Variants in SHISA6 observed in about 807,000 individuals in gnomAD.
The protein encoded by SHISA6 is shisa family member 6.
SHISA6 carries 22 observed loss-of-function variants against 47.9 expected under a neutral mutation model. The observed-to-expected ratio is 0.46, with a 90% CI of 0.33 to 0.66. The LOEUF (loss-of-function observed/expected upper bound fraction) is 0.66, where lower values mean the gene tolerates loss of function less well. Ranked by LOEUF, SHISA6 falls within the 30% of genes least tolerant of loss-of-function variation. SHISA6 has a pLI of 0.02. For missense variants in SHISA6, 680 were observed against 764.6 expected (o/e 0.89, Z 1.30); for synonymous variants, 388 against 337.8 (o/e 1.15, Z -1.63).
At chr17:11,548,489 T>C (rs2071902037) in intron 3 of SHISA6, among the ~76,000 whole-genome samples, 2 of 151,798 alleles carry the variant, frequency 1.3e-5, no homozygotes, top group East Asian at 1.9e-4. Context: ...GAATCCAGTG[T>C]TGTAATAAAA....
intron 2 of SHISA6, among the ~76,000 whole-genome samples, chr17:11,339,432 C>CA (rs1296588882): frequency 6.6e-6 from 1 of 151,838 alleles, no homozygotes; most frequent in Non-Finnish European, 1.5e-5. Context: ...CTACACCCCC[C>CA]CTCCTTTTTG....
intron 1 of SHISA6, among the ~76,000 whole-genome samples, chr17:11,257,750 CAAAT>C (rs1419855461): frequency 4.6e-5 from 7 of 151,916 alleles, no homozygotes; most frequent in Non-Finnish European, 1.0e-4. Context: ...ATCTGGGACT[CAAAT>C]AACCCATATC....
intron 1 of SHISA6, among the ~76,000 whole-genome samples, chr17:11,243,476 C>T (rs1907455259): frequency 6.6e-6 from 1 of 152,132 alleles, no homozygotes. Context: ...TCCACCCTGT[C>T]TTCCACTTGC....
At chr17:11,507,198 C>T (rs1166144426) in intron 3 of SHISA6, among the ~76,000 whole-genome samples, 1 of 152,170 alleles carries the variant, frequency 6.6e-6, no homozygotes, top group Admixed American at 6.5e-5. Context: ...GTATAAATTG[C>T]TCAATTAATA....
intron 3 of SHISA6, among the ~76,000 whole-genome samples, chr17:11,398,569 A>G (rs1913654340): frequency 6.6e-6 from 1 of 151,720 alleles, no homozygotes; most frequent in South Asian, 2.1e-4. Flanking sequence ...CCGCATTCCG[A>G]CAGTAGGTTT....
At chr17:11,476,034 T>C (rs930291359) in intron 3 of SHISA6, among the ~76,000 whole-genome samples, 1 of 152,082 alleles carries the variant, frequency 6.6e-6, no homozygotes, top group Non-Finnish European at 1.5e-5. Flanking sequence ...TTTTTAAGAA[T>C]TGGTCCATTT....
chr17:11,428,579 A>G (rs769858294), intron 3 of SHISA6, among the ~76,000 whole-genome samples: 2 of 152,180 alleles, frequency 1.3e-5, no homozygotes, highest in Non-Finnish European at 2.9e-5. Context: ...TGTATTAGTT[A>G]TCTATTGCAG....
At chr17:11,500,108 G>A (rs1171901502) in intron 3 of SHISA6, among the ~76,000 whole-genome samples, 2 of 152,184 alleles carry the variant, frequency 1.3e-5, no homozygotes, top group Non-Finnish European at 2.9e-5. Context: ...AAAAGACATG[G>A]AGTGAAGAGA....
chr17:11,499,342 C>T (rs186134339), intron 3 of SHISA6, among the ~76,000 whole-genome samples: 1 of 152,216 alleles, frequency 6.6e-6, no homozygotes, highest in African/African-American at 2.4e-5. Context: ...GACTATAAAG[C>T]ACCATTATCC....
At chr17:11,325,324 G>A (rs1202159088) in intron 2 of SHISA6, among the ~76,000 whole-genome samples, 4 of 152,180 alleles carry the variant, frequency 2.6e-5, no homozygotes, top group African/African-American at 9.6e-5. Flanking sequence ...GGACTGCATC[G>A]GATAAACTGG....
At chr17:11,551,991 T>A (rs1224116474) in intron 4 of SHISA6, 39 bp downstream of exon 4, 1 of 1,541,644 alleles carries the variant, frequency 6.5e-7, no homozygotes, top group South Asian at 1.2e-5. Flanking sequence ...TTCCTCCTTA[T>A]TTCGAGTGGC....
At chr17:11,517,188 C>T (rs2071592851) in intron 3 of SHISA6, among the ~76,000 whole-genome samples, 1 of 152,150 alleles carries the variant, frequency 6.6e-6, no homozygotes. Flanking sequence ...CTATGCTTTT[C>T]TCTAAAGATG....
Position 11,528,187 on chromosome 17 carries a change from A to G in SHISA6, c.896-23709A>G, listed in dbSNP as rs372696111. On this transcript the variant is annotated intron_variant, in intron 3 of 5. Transcript: ENST00000441885. The stretch of plus-strand genomic sequence containing the variant: ...TTGTATCCATTGTAAAAGAAAAAAT[A>G]TGAACTAATTACAAATAAATTTTAT... 1.6e-4 allele frequency among the ~76,000 whole-genome samples: 24 copies of G among 152,342 alleles called. 1 individual carries two copies. The highest frequency in any genetic ancestry group is 5.5e-4 in the African/African-American group (23 of 41,586).
intron 2 of SHISA6, among the ~76,000 whole-genome samples, chr17:11,287,083 T>C (rs1412344152): frequency 2.6e-5 from 4 of 152,136 alleles, no homozygotes; most frequent in Non-Finnish European, 4.4e-5. Flanking sequence ...TTTAGAAACA[T>C]GTGAAAATGC....
At position 11,411,500 on chromosome 17, in the gene SHISA6, G is replaced by A. The variant is rs192455065; in HGVS notation, c.895+31991G>A. Reference sequence around the variant, plus strand: ...CAACCTCCGCCTCCCAGGTTCAAGCGATTCTCCTGCCTCAGCCTCCTGAGT... The same window carrying A: ...CAACCTCCGCCTCCCAGGTTCAAGCAATTCTCCTGCCTCAGCCTCCTGAGT... On this transcript the variant is annotated intron_variant, in intron 3 of 5. Coordinates refer to ENST00000441885, the MANE Select transcript of SHISA6 (RefSeq NM_207386.4). Among the ~76,000 whole-genome samples the A allele has an allele frequency of 8.0e-4, 120 of 150,528 alleles. 2 individuals are homozygous for A. Among genetic ancestry groups the A allele is most frequent in the African/African-American group, 2.7e-3 (109 of 41,018 alleles).
chr17:11,331,440 A>G (rs1483298296), intron 2 of SHISA6, among the ~76,000 whole-genome samples: 1 of 152,218 alleles, frequency 6.6e-6, no homozygotes, highest in African/African-American at 2.4e-5. Flanking sequence ...GTCTAGAGAA[A>G]AAAATGCAAA....
chr17:11,280,389 T>C (rs1285627334), intron 2 of SHISA6, among the ~76,000 whole-genome samples: 1 of 152,242 alleles, frequency 6.6e-6, no homozygotes, highest in African/African-American at 2.4e-5. Context: ...AGACTGATTA[T>C]GGAAATGTTC....
At chr17:11,427,997 C>G (rs1914650362) in intron 3 of SHISA6, among the ~76,000 whole-genome samples, 1 of 152,168 alleles carries the variant, frequency 6.6e-6, no homozygotes, top group Admixed American at 6.6e-5. Context: ...CAGACAAACA[C>G]TCTGCATGTA....
intron 3 of SHISA6, among the ~76,000 whole-genome samples, chr17:11,475,542 T>C (rs1916030701): frequency 6.6e-6 from 1 of 152,132 alleles, no homozygotes; most frequent in Admixed American, 6.5e-5. Context: ...TATGACCATG[T>C]GATTTTTCTT....
Sources: gnomAD v4.1 joint callset for allele counts (sites outside exome capture counted in the v4.1 genomes callset) on GRCh38, gnomAD v4.1.1 for gene constraint, MANE v1.5 for transcripts, NCBI Gene and HGNC (gene_info 2026-07-23, HGNC 2026-07-21) for gene names.